The following RPA3 variants were observed in gnomAD, a reference collection of about 807,000 sequenced individuals.
RPA3 encodes replication protein A 14 kDa subunit.
In RPA3, 24 loss-of-function variants were observed where a neutral mutation model predicts 13.7. That is an observed-to-expected ratio of 1.75 (90% CI 1.27 to 2.46). The LOEUF is 2.46. Among genes scored for constraint, RPA3 ranks in the 30% most tolerant of loss-of-function variants. The probability of loss-of-function intolerance (pLI) is 0.00; values close to 1 mark genes in which losing one functional copy is unlikely to be tolerated. For missense variants in RPA3, 183 were observed against 151.0 expected, an observed-to-expected ratio of 1.21 and a Z score of -1.11; for synonymous variants, 59 against 51.2, an observed-to-expected ratio of 1.15 and a Z score of -0.65.
intron 2 of RPA3, among the ~76,000 whole-genome samples, chr7:7,693,737 T>A (rs1780237230): frequency 6.6e-6 from 1 of 152,204 alleles, no homozygotes; most frequent in African/African-American, 2.4e-5. Flanking sequence ...TATATGAACG[T>A]GAAGTTTTAT....
intron 2 of RPA3, among the ~76,000 whole-genome samples, chr7:7,691,011 T>C (rs971971903): frequency 3.3e-5 from 5 of 152,326 alleles, no homozygotes; most frequent in Non-Finnish European, 5.9e-5. Flanking sequence ...TTACAGGACC[T>C]TGAAGCATGT....
At chr7:7,682,394 G>C (rs1021390958) in intron 4 of RPA3, among the ~76,000 whole-genome samples, 1 of 152,056 alleles carries the variant, frequency 6.6e-6, no homozygotes, top group Admixed American at 6.6e-5. Flanking sequence ...TCCTCATTCT[G>C]GGAACCAAAC....
At chr7:7,665,014 TAC>T (rs563963870) in intron 4 of RPA3, among the ~76,000 whole-genome samples, 28 of 148,036 alleles carry the variant, frequency 1.9e-4, no homozygotes, top group East Asian at 4.0e-4. Context: ...TATATATATA[TAC>T]ACACACACAC....
At chr7:7,673,296 G>A (rs1779651934) in intron 4 of RPA3, 2 of 1,198,384 alleles carry the variant, frequency 1.7e-6, no homozygotes, top group Non-Finnish European at 2.4e-6. Flanking sequence ...ATTGTGTAAT[G>A]TTTCTATTTC....
Position 7,640,558 on chromosome 7 carries a change from A to T in RPA3, c.-140T>A, listed in dbSNP as rs368092369. 1.9e-5 allele frequency: 14 copies of T among 739,254 alleles called. No individual in the cohort carries two copies. The highest frequency in any genetic ancestry group is 8.1e-5 in the East Asian group (3 of 37,132). 45.8% of individuals were successfully genotyped at this position (739,254 alleles called of 1,614,324 possible). A position where few individuals can be genotyped will look rare whatever the true frequency, so the allele number is the denominator to read the frequency against. On this transcript the variant is annotated 5_prime_UTR_variant, in exon 5 of 8. Transcript: ENST00000223129. ...AGCTTCGCCAATTAAATGCGCGGAA[A>T]CCTAAATCGCAATCGCGCTGTCTCT...
chr7:7,641,399 C>G (rs1784970750), intron 4 of RPA3: 1 of 152,302 alleles, frequency 6.6e-6, no homozygotes, highest in South Asian at 2.1e-4. Flanking sequence ...CTAGGGTTCT[C>G]CCTTCTGAGG....
chr7:7,702,266 A>G (rs1054958778), intron 2 of RPA3, among the ~76,000 whole-genome samples: 2 of 152,214 alleles, frequency 1.3e-5, no homozygotes, highest in African/African-American at 4.8e-5. Context: ...TTATTTCACA[A>G]GTTAGTAATT....
chr7:7,676,785 A>G (rs1206477513), intron 4 of RPA3, among the ~76,000 whole-genome samples: 1 of 152,178 alleles, frequency 6.6e-6, no homozygotes, highest in Non-Finnish European at 1.5e-5. Flanking sequence ...TAGTGAAAAC[A>G]TCCTTCAGTG....
At chr7:7,670,208 C>T (rs1196033808) in intron 4 of RPA3, among the ~76,000 whole-genome samples, 1 of 152,146 alleles carries the variant, frequency 6.6e-6, no homozygotes, top group Non-Finnish European at 1.5e-5. Context: ...TGGAGAATGA[C>T]TTATTAAAAC....
intron 4 of RPA3, among the ~76,000 whole-genome samples, chr7:7,670,745 C>A (rs1225702325): frequency 1.3e-5 from 2 of 152,198 alleles, no homozygotes; most frequent in East Asian, 3.9e-4. Context: ...TTTACCCTTA[C>A]ACCCTGGTGG....
At position 7,640,470 on chromosome 7, in the gene RPA3, G is replaced by T. The variant is rs997017885; in HGVS notation, c.-52C>A. 2 of 1,527,324 alleles carry T rather than the reference G, an allele frequency of 1.3e-6. No homozygotes were observed. The highest frequency in any genetic ancestry group is 1.8e-6 in the Non-Finnish European group (2 of 1,130,470). The allele number at this position is 1,527,324 out of a possible 1,614,324, so 94.6% of individuals were successfully genotyped here. A position where few individuals can be genotyped will look rare whatever the true frequency, so the allele number is the denominator to read the frequency against. On this transcript the variant is annotated 5_prime_UTR_variant, in exon 5 of 8. Transcript: ENST00000223129. ...GGGAAACCCACGGACGACTGAAACT[G>T]TGCGCCCCGCGGGTGTCTATGGGGC...
At chr7:7,693,133 A>G (rs1433993526) in intron 2 of RPA3, among the ~76,000 whole-genome samples, 1 of 152,174 alleles carries the variant, frequency 6.6e-6, no homozygotes, top group African/African-American at 2.4e-5. Context: ...AAAGGTATAT[A>G]TATGTCCCTG....
At chr7:7,708,989 G>A (rs1780680002) in intron 2 of RPA3, among the ~76,000 whole-genome samples, 1 of 151,886 alleles carries the variant, frequency 6.6e-6, no homozygotes, top group Admixed American at 6.6e-5. Context: ...GAGAAAGTGT[G>A]GGAGGAAAAG....
intron 4 of RPA3, among the ~76,000 whole-genome samples, chr7:7,681,750 G>T (rs189168999): frequency 2.0e-5 from 3 of 152,000 alleles, no homozygotes; most frequent in African/African-American, 7.2e-5. Context: ...TAATTACCAG[G>T]GTTTTCTCCT....
intron 4 of RPA3, among the ~76,000 whole-genome samples, chr7:7,642,957 G>T (rs750777909): frequency 3.3e-5 from 5 of 152,072 alleles, no homozygotes; most frequent in Middle Eastern, 3.2e-3. Flanking sequence ...TGTATCTTCT[G>T]ACTTCTTTTG....
intron 4 of RPA3, among the ~76,000 whole-genome samples, chr7:7,678,553 ATATT>A (rs1193901548): frequency 1.9e-4 from 27 of 138,896 alleles, no homozygotes; most frequent in South Asian, 6.5e-4. Flanking sequence ...AGATAAATAT[ATATT>A]TATATACTTA....
chr7:7,665,742 C>T (rs148552961), intron 4 of RPA3, among the ~76,000 whole-genome samples: 1 of 152,076 alleles, frequency 6.6e-6, no homozygotes, highest in Non-Finnish European at 1.5e-5. Context: ...TTTCACTGTA[C>T]ACTAGTTTGT....
intron 4 of RPA3, among the ~76,000 whole-genome samples, chr7:7,659,600 T>C (rs762592501): frequency 2.0e-5 from 3 of 152,222 alleles, no homozygotes; most frequent in African/African-American, 7.2e-5. Flanking sequence ...TCAGTTTCCA[T>C]GTAGTTGTGC....
intron 4 of RPA3, chr7:7,641,537 C>T (rs900507778): frequency 6.6e-6 from 1 of 152,182 alleles, no homozygotes; most frequent in African/African-American, 2.4e-5. Context: ...CTGTCGTTGC[C>T]CTCCACACTG....
Sources: gnomAD v4.1 joint callset for allele counts (sites outside exome capture counted in the v4.1 genomes callset) on GRCh38, gnomAD v4.1.1 for gene constraint, MANE v1.5 for transcripts, NCBI Gene and HGNC (gene_info 2026-07-23, HGNC 2026-07-21) for gene names.